Variants in PPM1H observed in about 807,000 individuals in gnomAD.
The protein encoded by PPM1H is protein phosphatase, Mg2+/Mn2+ dependent 1H, also known as protein phosphatase 1H.
PPM1H carries 27 observed loss-of-function variants against 54.9 expected under a neutral mutation model. The observed-to-expected ratio is 0.49, with a 90% CI of 0.36 to 0.68. PPM1H has a LOEUF of 0.68. Among genes scored for constraint, PPM1H ranks in the 30% least tolerant of loss-of-function variants. PPM1H has a pLI of 0.00. For synonymous variants in PPM1H, 305 were observed against 270.8 expected (o/e 1.13, Z -1.24); for missense variants, 596 against 667.8 (o/e 0.89, Z 1.19).
intron 1 of PPM1H, among the ~76,000 whole-genome samples, chr12:62,901,197 TTC>T (rs1871156616): frequency 6.6e-6 from 1 of 152,244 alleles, no homozygotes; most frequent in Non-Finnish European, 1.5e-5. Context: ...AATATTAGTA[TTC>T]ACTGATACCA....
chr12:62,782,694 G>A (rs933845857), intron 4 of PPM1H, among the ~76,000 whole-genome samples: 1 of 152,168 alleles, frequency 6.6e-6, no homozygotes, highest in African/African-American at 2.4e-5. Flanking sequence ...AACTTAGTGA[G>A]ACACTTGCTT....
chr12:62,686,912 A>G (rs1206888586), intron 8 of PPM1H, among the ~76,000 whole-genome samples: 1 of 152,198 alleles, frequency 6.6e-6, no homozygotes, highest in Non-Finnish European at 1.5e-5. Context: ...CAGCTCCGCC[A>G]AAGTGGTGGG....
chr12:62,831,537 C>A (rs1236634183), intron 2 of PPM1H, among the ~76,000 whole-genome samples: 6 of 151,892 alleles, frequency 4.0e-5, no homozygotes, highest in Non-Finnish European at 7.4e-5. Context: ...GAACATCAGG[C>A]ACAGGCTGCA....
intron 6 of PPM1H, among the ~76,000 whole-genome samples, chr12:62,706,469 T>A (rs1194725182): frequency 6.6e-6 from 1 of 152,266 alleles, no homozygotes; most frequent in African/African-American, 2.4e-5. Flanking sequence ...TTTTCTGCTG[T>A]CACCTCACGC....
rs888048503 is a variant in PPM1H, at chr12:62,844,945, A to T, written c.246-12666T>A. On this transcript the variant is annotated intron_variant, in intron 1 of 9. Coordinates refer to ENST00000228705, the MANE Select transcript of PPM1H (RefSeq NM_020700.2). This position sits in a 1 kb window ranked among gnomAD's most constrained non-coding sequence, Gnocchi z 5.2. The stretch of plus-strand genomic sequence containing the variant: ...TAGGAAATGAGCTTGGGAGTAGGAT[A>T]TGTTAAAGTGACCCCTAAACATTCT... Among the ~76,000 whole-genome samples, 6 of 152,234 alleles carry T rather than the reference A, an allele frequency of 3.9e-5. No homozygotes were observed. The highest frequency in any genetic ancestry group is 5.9e-5 in the Non-Finnish European group (4 of 68,036).
chr12:62,685,452 TA>T (rs1464532470), intron 8 of PPM1H, among the ~76,000 whole-genome samples: 1 of 152,186 alleles, frequency 6.6e-6, no homozygotes, highest in Non-Finnish European at 1.5e-5. Flanking sequence ...CTGATCTAAT[TA>T]AATAGACCTG....
Position 62,667,234 on chromosome 12 carries a change from T to G in PPM1H, c.1341A>C (p.Glu447Asp), listed in dbSNP as rs1189544515. Residue 447 changes from glutamate (E) to aspartate (D), a missense_variant, in exon 9 of 10, where the codon GAA (glutamate) becomes GAC (aspartate). Coordinates refer to ENST00000228705, the MANE Select transcript of PPM1H (RefSeq NM_020700.2). ...GAAACTGAGTGATTGCTTCTGCTAC[T>G]TCTTCATTTGATAAAACGTCCCAGA... ...DGLWDVLSNE[E>D]VAEAITQFLP... 4 of 1,600,312 alleles carry G rather than the reference T, an allele frequency of 2.5e-6. No homozygotes were observed. In the Admixed American group the frequency reaches 5.0e-5, roughly 20 times the overall value.
chr12:62,713,508 A>C (rs139550568), intron 6 of PPM1H, among the ~76,000 whole-genome samples: 1 of 152,234 alleles, frequency 6.6e-6, no homozygotes, highest in Non-Finnish European at 1.5e-5. Flanking sequence ...ACTACTGGCT[A>C]TGAAGTGAGT....
chr12:62,900,756 G>A (rs1016517500), intron 1 of PPM1H, among the ~76,000 whole-genome samples: 1 of 152,102 alleles, frequency 6.6e-6, no homozygotes, highest in African/African-American at 2.4e-5. Context: ...GCCAGGCCAG[G>A]GGAGGAAACT....
At chr12:62,654,498 G>A (rs550428274) in intron 9 of PPM1H, among the ~76,000 whole-genome samples, 52 of 152,300 alleles carry the variant, frequency 3.4e-4, no homozygotes, top group Non-Finnish European at 6.0e-4. Flanking sequence ...GAGAAGAAAC[G>A]CAAATCATGC....
At chr12:62,861,855 G>A (rs955150074) in intron 1 of PPM1H, among the ~76,000 whole-genome samples, 2 of 152,168 alleles carry the variant, frequency 1.3e-5, no homozygotes, top group African/African-American at 4.8e-5. Flanking sequence ...CTGGGAATAT[G>A]GCTCAGTGTT....
chr12:62,870,611 T>C (rs1869941222), intron 1 of PPM1H, among the ~76,000 whole-genome samples: 1 of 152,188 alleles, frequency 6.6e-6, no homozygotes, highest in Non-Finnish European at 1.5e-5. Context: ...GAAGATTCTC[T>C]GGTTTCTGGC....
intron 4 of PPM1H, among the ~76,000 whole-genome samples, chr12:62,758,667 G>C (rs2076488842): frequency 6.6e-6 from 1 of 151,780 alleles, no homozygotes; most frequent in Non-Finnish European, 1.5e-5. Flanking sequence ...TCCAACTGTG[G>C]AGGAAAAAAA....
At chr12:62,778,423 C>T (rs1400091899) in intron 4 of PPM1H, among the ~76,000 whole-genome samples, 2 of 152,130 alleles carry the variant, frequency 1.3e-5, no homozygotes, top group Non-Finnish European at 2.9e-5. Flanking sequence ...CTCTACCAGG[C>T]CTTGCCCCTA....
chr12:62,908,854 C>T (rs190368320), intron 1 of PPM1H, among the ~76,000 whole-genome samples: 1 of 152,328 alleles, frequency 6.6e-6, no homozygotes, highest in East Asian at 1.9e-4. Context: ...TTAATCCTCA[C>T]ATGCATCTTA....
intron 6 of PPM1H, among the ~76,000 whole-genome samples, chr12:62,702,581 A>AGAGAGAGAG (rs1555190172): frequency 4.6e-5 from 7 of 151,800 alleles, no homozygotes; most frequent in East Asian, 1.9e-4. Context: ...AGAGAGAGAG[A>AGAGAGAGAG]AATACCACTT....
intron 4 of PPM1H, among the ~76,000 whole-genome samples, chr12:62,743,739 T>C (rs2076394875): frequency 6.6e-6 from 1 of 151,926 alleles, no homozygotes; most frequent in Non-Finnish European, 1.5e-5. Flanking sequence ...ATAAAAAATA[T>C]GATTAGGCAA....
intron 1 of PPM1H, among the ~76,000 whole-genome samples, chr12:62,918,725 T>C (rs1452684177): frequency 6.6e-6 from 1 of 152,212 alleles, no homozygotes; most frequent in Non-Finnish European, 1.5e-5. Flanking sequence ...AAAAAAAATG[T>C]GTGTTACAAC....
chr12:62,827,839 C>A lies in PPM1H; in HGVS notation c.411+4275G>T, dbSNP rs145684424. On this transcript the variant is annotated intron_variant, in intron 2 of 9. Transcript: ENST00000228705. The stretch of plus-strand genomic sequence containing the variant: ...TGGTTGTTCCCCAAATCATCAGTGA[C>A]CAAAATGAGTCAGACTTCCCTACAA... Among the ~76,000 whole-genome samples the A allele has an allele frequency of 3.0e-3, 454 of 152,222 alleles. 2 individuals are homozygous for A. Among genetic ancestry groups the A allele is most frequent in the African/African-American group, 0.01 (429 of 41,528 alleles).
Sources: gnomAD v4.1 joint callset for allele counts (sites outside exome capture counted in the v4.1 genomes callset) on GRCh38, gnomAD v4.1.1 for gene constraint, Gnocchi (gnomAD v3.1) non-coding constraint, MANE v1.5 for transcripts, NCBI Gene and HGNC (gene_info 2026-07-23, HGNC 2026-07-21) for gene names.